Variants in ADSS2 observed in about 807,000 individuals in gnomAD.
ADSS2 encodes the protein adenylosuccinate synthase 2, also known as adenylosuccinate synthetase isozyme 2.
In ADSS2, 30 loss-of-function variants were observed where a neutral mutation model predicts 60.0. The observed-to-expected ratio is 0.50, with a 90% confidence interval of 0.37 to 0.68. The LOEUF (loss-of-function observed/expected upper bound fraction) is 0.68, where lower values mean the gene tolerates loss of function less well. Ranked by LOEUF, ADSS2 falls within the 30% of genes least tolerant of loss-of-function variation. ADSS2 has a pLI of 0.00. For missense variants in ADSS2, 373 were observed against 554.8 expected (o/e 0.67, Z 3.29); for synonymous variants, 187 against 193.1 (o/e 0.97, Z 0.26).
At chr1:244,452,047 G>C (rs902716712), upstream of ADSS2, 3 of 377,228 alleles carry the variant, frequency 8.0e-6, no homozygotes, top group Non-Finnish European at 1.4e-5. Context: ...CGGCAGCACC[G>C]CCCGCAGGAA....
In ADSS2 at chr1:244,449,809, A is replaced by G. The variant is rs913335141; in HGVS notation, c.183+1826T>C. 2.0e-5 allele frequency among the ~76,000 whole-genome samples: 3 copies of G among 152,162 alleles called. No individual in the cohort carries two copies. The South Asian group carries it at 6.2e-4, about 32-fold the overall frequency. The stretch of plus-strand genomic sequence containing the variant: ...CTCCACTATCTTCAGCTAACATTTT[A>G]AAGCCAAACTTAGTTCCTTCTCAAT... On this transcript the variant is annotated intron_variant, in intron 1 of 12. Coordinates refer to ENST00000366535, the MANE Select transcript of ADSS2 (RefSeq NM_001126.5).
intron 4 of ADSS2, among the ~76,000 whole-genome samples, chr1:244,426,008 C>G (rs1203550585): frequency 6.6e-6 from 1 of 151,986 alleles, no homozygotes; most frequent in African/African-American, 2.4e-5. Context: ...TAAGGGGATA[C>G]TATATAGCAA....
intron 4 of ADSS2, among the ~76,000 whole-genome samples, chr1:244,427,664 C>A (rs12116865): frequency 0.034 from 5,197 of 152,146 alleles, 124 homozygotes; most frequent in South Asian, 0.051. Context: ...TAAGGCAACT[C>A]TAGTGGCTAT....
chr1:244,447,588 G>A (rs1008050437), intron 1 of ADSS2, among the ~76,000 whole-genome samples: 2 of 152,142 alleles, frequency 1.3e-5, no homozygotes, highest in South Asian at 4.1e-4. Context: ...GAAATATGTT[G>A]AGGAGATACA....
chr1:244,440,876 T>C (rs1665223192), intron 1 of ADSS2, among the ~76,000 whole-genome samples: 1 of 152,306 alleles, frequency 6.6e-6, no homozygotes, highest in Middle Eastern at 3.4e-3. Flanking sequence ...TCATAACTTA[T>C]CATACTGGTC....
chr1:244,433,859 T>TAAAA (rs35132231), intron 3 of ADSS2, among the ~76,000 whole-genome samples: 53 of 94,944 alleles, frequency 5.6e-4, no homozygotes, highest in East Asian at 1.2e-3. Flanking sequence ...ACTCCATCTT[T>TAAAA]AAAAAAAAAA....
intron 1 of ADSS2, among the ~76,000 whole-genome samples, chr1:244,442,398 G>A (rs142210200): frequency 1.3e-5 from 2 of 152,110 alleles, no homozygotes; most frequent in South Asian, 2.1e-4. Context: ...GTCACATGGT[G>A]GTATAAAGTT....
intron 9 of ADSS2, among the ~76,000 whole-genome samples, chr1:244,418,335 C>T (rs1664584919): frequency 6.6e-6 from 1 of 152,050 alleles, no homozygotes; most frequent in South Asian, 2.1e-4. Flanking sequence ...TTTATTTTAT[C>T]TTTTGAGACA....
intron 11 of ADSS2, among the ~76,000 whole-genome samples, chr1:244,414,256 G>A (rs3101468): frequency 0.17 from 25,711 of 151,910 alleles, 2,432 homozygotes; most frequent in South Asian, 0.33. Context: ...CAAAAGAATA[G>A]TCAAGAGAAG....
At chr1:244,446,498 T>C (rs2148015893) in intron 1 of ADSS2, among the ~76,000 whole-genome samples, 1 of 152,338 alleles carries the variant, frequency 6.6e-6, no homozygotes, top group South Asian at 2.1e-4. Flanking sequence ...GGTTTAAAGG[T>C]ATCCACTTTA....
chr1:244,433,977 C>T (rs954708082), intron 3 of ADSS2, among the ~76,000 whole-genome samples: 1 of 151,926 alleles, frequency 6.6e-6, no homozygotes, highest in African/African-American at 2.4e-5. Flanking sequence ...ATCTGTCCCC[C>T]CATTTAACTG....
intron 1 of ADSS2, among the ~76,000 whole-genome samples, chr1:244,445,427 T>C (rs557283328): frequency 6.6e-6 from 1 of 152,300 alleles, no homozygotes; most frequent in South Asian, 2.1e-4. Flanking sequence ...TATAATAGTA[T>C]TTAGTTATTC....
At chr1:244,423,907 CA>C in intron 6 of ADSS2, 45 bp downstream of exon 6, 2 of 1,500,172 alleles carry the variant, frequency 1.3e-6, no homozygotes, top group South Asian at 1.2e-5. Flanking sequence ...TAAAAAAAAT[CA>C]AAAAATGCAT....
chr1:244,431,721 T>C (rs1366769015), intron 4 of ADSS2, among the ~76,000 whole-genome samples: 2 of 152,230 alleles, frequency 1.3e-5, no homozygotes, highest in African/African-American at 2.4e-5. Context: ...CAGTTTCATA[T>C]AGAAACTGTA....
intron 6 of ADSS2, 40 bp downstream of exon 6, chr1:244,423,913 A>C (rs1245506728): frequency 6.6e-7 from 1 of 1,520,786 alleles, no homozygotes; most frequent in Non-Finnish European, 9.0e-7. Flanking sequence ...AAATCAAAAA[A>C]TGCATTCATT....
intron 9 of ADSS2, 59 bp downstream of exon 9, chr1:244,418,700 AG>A: frequency 6.9e-7 from 1 of 1,457,028 alleles, no homozygotes; most frequent in Non-Finnish European, 9.2e-7. Flanking sequence ...TAATTCATTA[AG>A]AAAAAAAAGA....
chr1:244,436,598 T>C (rs1665107560), intron 3 of ADSS2, among the ~76,000 whole-genome samples: 1 of 152,216 alleles, frequency 6.6e-6, no homozygotes, highest in African/African-American at 2.4e-5. Context: ...AGTTTGTAGA[T>C]GACTAATGTG....
chr1:244,435,644 T>TCTCTTCCTCCTCCATCCTC (rs1281822152), intron 3 of ADSS2, among the ~76,000 whole-genome samples: 74 of 151,082 alleles, frequency 4.9e-4, no homozygotes, highest in African/African-American at 1.7e-3. Context: ...CCTCCATCCT[T>TCTCTTCCTCCTCCATCCTC]CTCTTCCTCC....
At chr1:244,443,897 G>A (rs1665313929) in intron 1 of ADSS2, among the ~76,000 whole-genome samples, 2 of 152,092 alleles carry the variant, frequency 1.3e-5, no homozygotes, top group African/African-American at 4.8e-5. Flanking sequence ...TTCCATCAGT[G>A]CCACAACACT....
Sources: gnomAD v4.1 joint callset for allele counts (sites outside exome capture counted in the v4.1 genomes callset) on GRCh38, gnomAD v4.1.1 for gene constraint, MANE v1.5 for transcripts, NCBI Gene and HGNC (gene_info 2026-07-23, HGNC 2026-07-21) for gene names.